Variants in MYT1L observed in about 807,000 individuals in gnomAD.
MYT1L encodes the protein myelin transcription factor 1 like.
Under a neutral mutation model 126.7 loss-of-function variants are expected in MYT1L, and 12 were observed. That is an observed-to-expected ratio of 0.09 (90% CI 0.06 to 0.15). The LOEUF is 0.15. Among genes scored for constraint, MYT1L ranks in the 10% least tolerant of loss-of-function variants. The probability of loss-of-function intolerance (pLI) is 1.00; values close to 1 mark genes in which losing one functional copy is unlikely to be tolerated. For synonymous variants in MYT1L, 541 were observed against 604.2 expected, an observed-to-expected ratio of 0.90 and a Z score of 1.53; for missense variants, 979 against 1,585.2, an observed-to-expected ratio of 0.62 and a Z score of 6.49.
chr2:2,319,938 G>A (rs1487218268), intron 1 of MYT1L, among the ~76,000 whole-genome samples: 1 of 152,052 alleles, frequency 6.6e-6, no homozygotes, highest in African/African-American at 2.4e-5. Flanking sequence ...GGGAGGTGCT[G>A]ACCTTAAGGG....
chr2:2,251,360 C>G (rs2094644418), intron 2 of MYT1L, among the ~76,000 whole-genome samples: 1 of 152,192 alleles, frequency 6.6e-6, no homozygotes, highest in Non-Finnish European at 1.5e-5. Flanking sequence ...CTTCACTCTC[C>G]TGCCCTTGCA....
At chr2:2,291,989 C>T (rs1362667743) in intron 1 of MYT1L, among the ~76,000 whole-genome samples, 2 of 152,232 alleles carry the variant, frequency 1.3e-5, no homozygotes, top group Admixed American at 6.5e-5. Context: ...GTGGCTGTGC[C>T]CGGGCTGAGA....
chr2:2,206,177 C>T (rs965026036), intron 2 of MYT1L, among the ~76,000 whole-genome samples: 1 of 151,932 alleles, frequency 6.6e-6, no homozygotes, highest in Non-Finnish European at 1.5e-5. Flanking sequence ...GGGGTTTCAC[C>T]TTGTTGGCCA....
chr2:1,840,660 C>G (rs137967400), intron 20 of MYT1L, 100 bp downstream of exon 20: 2 of 862,976 alleles, frequency 2.3e-6, no homozygotes, highest in Non-Finnish European at 1.8e-6. Context: ...CACTAAGACC[C>G]GCTGTCTCTT....
chr2:2,114,893 C>T (rs149809470), intron 3 of MYT1L, among the ~76,000 whole-genome samples: 1 of 152,344 alleles, frequency 6.6e-6, no homozygotes, highest in East Asian at 1.9e-4. Flanking sequence ...TCCTGCCTGC[C>T]TGGAAGCCCA....
intron 5 of MYT1L, among the ~76,000 whole-genome samples, chr2:1,986,272 C>T (rs1397158725): frequency 6.6e-6 from 1 of 152,144 alleles, no homozygotes; most frequent in Non-Finnish European, 1.5e-5. Context: ...CAGAAGACAC[C>T]TACGCCTCTA....
At chr2:2,069,028 T>C (rs770299054) in intron 3 of MYT1L, among the ~76,000 whole-genome samples, 5 of 152,040 alleles carry the variant, frequency 3.3e-5, no homozygotes, top group Admixed American at 6.6e-5. Flanking sequence ...GTAAAACTTT[T>C]AGAAAAACAC....
chr2:1,865,515 G>C (rs368433405), intron 18 of MYT1L, among the ~76,000 whole-genome samples: 1 of 152,142 alleles, frequency 6.6e-6, no homozygotes, highest in Admixed American at 6.5e-5. Context: ...ATGCCCATCC[G>C]CATCGTTAGG....
rs191970339 is a variant in MYT1L at position 2,252,416 on chromosome 2, C to A, written c.-421+31988G>T. Among the ~76,000 whole-genome samples the A allele has an allele frequency of 1.1e-4, 16 of 152,322 alleles. No individual in the cohort carries two copies. In the East Asian group the frequency reaches 3.1e-3, roughly 29 times the overall value. The stretch of plus-strand genomic sequence containing the variant: ...TCTGGGCATGAGTCCACACTGCCCA[C>A]CACAAGCTGTTCTTCCTATTGAGCT... On this transcript the variant is annotated intron_variant, in intron 2 of 24. Coordinates refer to ENST00000647738, the MANE Select transcript of MYT1L (RefSeq NM_001303052.2).
chr2:2,217,799 A>T (rs963523268), intron 2 of MYT1L, among the ~76,000 whole-genome samples: 2 of 152,024 alleles, frequency 1.3e-5, no homozygotes, highest in Admixed American at 1.3e-4. Flanking sequence ...ACTATCCAAC[A>T]TCCATTTCTG....
At chr2:1,998,199 A>G (rs1383465228) in intron 4 of MYT1L, among the ~76,000 whole-genome samples, 9 of 152,176 alleles carry the variant, frequency 5.9e-5, no homozygotes, top group South Asian at 4.1e-4. Flanking sequence ...CAAAGGATTC[A>G]GTGCTTCTTG....
rs544488177 is a variant in MYT1L at position 2,189,653 on chromosome 2, A to G, written c.-420-16665T>C. Among the ~76,000 whole-genome samples, 467 of 152,368 alleles carry G rather than the reference A, an allele frequency of 3.1e-3. 6 individuals carry two copies. Among genetic ancestry groups the G allele is most frequent in the Non-Finnish European group, 5.1e-3 (348 of 68,032 alleles). On this transcript the variant is annotated intron_variant, in intron 2 of 24. Transcript: ENST00000647738. ...AGTTTTAATTGTTAATGTGGTAGCTATAACTTTCATGAACAAAATCTCTGC... is the reference window on the plus strand; with the variant it reads ...AGTTTTAATTGTTAATGTGGTAGCTGTAACTTTCATGAACAAAATCTCTGC...
chr2:2,055,024 C>T (rs2069326151), intron 3 of MYT1L, among the ~76,000 whole-genome samples: 1 of 152,152 alleles, frequency 6.6e-6, no homozygotes, highest in African/African-American at 2.4e-5. Context: ...ACAACAACCT[C>T]GTATCACACC....
chr2:2,221,895 G>A (rs1451421997), intron 2 of MYT1L, among the ~76,000 whole-genome samples: 1 of 152,194 alleles, frequency 6.6e-6, no homozygotes, highest in Non-Finnish European at 1.5e-5. Flanking sequence ...GCCCCTCTGT[G>A]AAGCTTCGCA....
intron 2 of MYT1L, among the ~76,000 whole-genome samples, chr2:2,203,645 T>C (rs2093181324): frequency 6.6e-6 from 1 of 151,994 alleles, no homozygotes; most frequent in Admixed American, 6.6e-5. Context: ...TCCATGCTCA[T>C]GGATAGGAAG....
At chr2:2,114,467 G>T (rs989415797) in intron 3 of MYT1L, among the ~76,000 whole-genome samples, 2 of 152,048 alleles carry the variant, frequency 1.3e-5, no homozygotes, top group East Asian at 3.9e-4. Flanking sequence ...CCTTATAATC[G>T]CCCAGTTTAA....
intron 4 of MYT1L, among the ~76,000 whole-genome samples, chr2:2,047,858 C>A (rs725311): frequency 6.6e-6 from 1 of 151,980 alleles, no homozygotes; most frequent in African/African-American, 2.4e-5. Flanking sequence ...GGAGAAAATA[C>A]GAAACAGTGA....
intron 3 of MYT1L, among the ~76,000 whole-genome samples, chr2:2,117,634 T>C (rs1483412539): frequency 6.6e-6 from 1 of 152,176 alleles, no homozygotes; most frequent in Non-Finnish European, 1.5e-5. Context: ...TGCAAATGTT[T>C]CCCTAATCCT....
At chr2:1,826,275 A>T (rs76726886) in intron 21 of MYT1L, among the ~76,000 whole-genome samples, 96 of 152,340 alleles carry the variant, frequency 6.3e-4, no homozygotes, top group African/African-American at 2.2e-3. Flanking sequence ...CATGGGACAC[A>T]GTTCGGCTTC....
Sources: allele counts gnomAD v4.1 joint callset (sites outside exome capture counted in the v4.1 genomes callset), GRCh38; gene constraint gnomAD v4.1.1; transcripts MANE v1.5; gene names NCBI Gene and HGNC (gene_info 2026-07-23, HGNC 2026-07-21).